The following FNBP4 variants were observed in gnomAD, a reference collection of about 807,000 sequenced individuals.
FNBP4 encodes formin binding protein 4.
A neutral mutation model predicts 119.3 loss-of-function variants in FNBP4; 34 were observed. The ratio of observed to expected loss-of-function variants is 0.28; its 90% CI spans 0.22 to 0.38. The LOEUF is 0.38. Ranked by LOEUF, FNBP4 falls within the 10% of genes least tolerant of loss-of-function variation. The pLI, the probability that FNBP4 is intolerant of heterozygous loss-of-function variation, is 1.00. For synonymous variants in FNBP4, 462 were observed against 430.6 expected, an observed-to-expected ratio of 1.07 and a Z score of -0.90; for missense variants, 1,112 against 1,228.9, an observed-to-expected ratio of 0.90 and a Z score of 1.42.
chr11:47,750,472 G>C (rs912874936), intron 6 of FNBP4, among the ~76,000 whole-genome samples: 1 of 146,732 alleles, frequency 6.8e-6, no homozygotes, highest in African/African-American at 2.5e-5. Flanking sequence ...GGCGGATCAT[G>C]AGGTCAGGAG....
chr11:47,735,817 T>C (rs1028479258), intron 9 of FNBP4, among the ~76,000 whole-genome samples: 3 of 152,010 alleles, frequency 2.0e-5, no homozygotes, highest in Non-Finnish European at 4.4e-5. Context: ...CGGTGGCTCA[T>C]GCCTGTAATC....
At chr11:47,766,325 A>C (rs890637098) in intron 1 of FNBP4, among the ~76,000 whole-genome samples, 4 of 152,182 alleles carry the variant, frequency 2.6e-5, no homozygotes, top group African/African-American at 9.6e-5. Context: ...GAAAAAAACA[A>C]AACAAAACTC....
intron 2 of FNBP4, among the ~76,000 whole-genome samples, chr11:47,755,811 AC>A (rs1471377765): frequency 7.4e-4 from 112 of 152,106 alleles, no homozygotes; most frequent in African/African-American, 2.7e-3. Context: ...AAAAACAAAA[AC>A]AAAAAAAATC....
intron 8 of FNBP4, among the ~76,000 whole-genome samples, chr11:47,740,177 G>A (rs1255417818): frequency 6.6e-6 from 1 of 151,952 alleles, no homozygotes; most frequent in African/African-American, 2.4e-5. Flanking sequence ...CACTTTGGGA[G>A]GCAGAGACGG....
At chr11:47,738,304 C>G (rs904578793) in intron 8 of FNBP4, among the ~76,000 whole-genome samples, 2 of 152,130 alleles carry the variant, frequency 1.3e-5, no homozygotes, top group Non-Finnish European at 2.9e-5. Flanking sequence ...TGGTGCCTCA[C>G]GCCTGTAATC....
At chr11:47,743,775 T>C in intron 8 of FNBP4, 178 bp downstream of exon 8, 2 of 617,770 alleles carry the variant, frequency 3.2e-6, no homozygotes, top group Non-Finnish European at 5.6e-6. Context: ...CTCTTACTCC[T>C]CTACTAGAAA....
chr11:47,734,706 G>T (rs1251311270), intron 9 of FNBP4, among the ~76,000 whole-genome samples: 1 of 152,120 alleles, frequency 6.6e-6, no homozygotes, highest in African/African-American at 2.4e-5. Context: ...TGGGTGTGGT[G>T]GCTCACACCT....
Position 47,752,679 on chromosome 11 carries a change from C to G in FNBP4, c.637+237G>C, listed in dbSNP as rs1179827308. On this transcript the variant is annotated intron_variant, in intron 4 of 16. Coordinates refer to ENST00000263773, the MANE Select transcript of FNBP4 (RefSeq NM_015308.5). ...CAAAAGAGAAATTAGCCAGGCATGG[C>G]AGTGTGCGCCTGTAGTCCCAGTTAC... 4.4e-5 allele frequency: 17 copies of G among 388,600 alleles called. No homozygotes were observed. In the East Asian group the frequency reaches 7.5e-4, roughly 17 times the overall value. 24.1% of individuals were successfully genotyped at this position (388,600 alleles called of 1,614,324 possible).
intron 2 of FNBP4, among the ~76,000 whole-genome samples, chr11:47,756,870 G>T (rs558645002): frequency 6.6e-6 from 1 of 152,240 alleles, no homozygotes; most frequent in African/African-American, 2.4e-5. Flanking sequence ...CAAAGGACAT[G>T]AACTCATCCT....
In FNBP4 at chr11:47,736,747, A is replaced by C. The variant is rs1313761719; in HGVS notation, c.1457-7T>G. ...GAATTTTCAGCACCAATTGCTGTAAAAAAAACATGTAAAATTAAACCAAAG... is the reference window on the plus strand; with the variant it reads ...GAATTTTCAGCACCAATTGCTGTAACAAAAACATGTAAAATTAAACCAAAG... On this transcript the variant is annotated splice_region_variant and splice_polypyrimidine_tract_variant and intron_variant, in intron 8 of 16. Coordinates refer to ENST00000263773, the MANE Select transcript of FNBP4 (RefSeq NM_015308.5). The C allele has an allele frequency of 6.3e-7, 1 of 1,591,980 alleles. No individual in the cohort carries two copies. The highest frequency in any genetic ancestry group is 8.6e-7 in the Non-Finnish European group (1 of 1,165,054).
At chr11:47,720,825 A>G (rs1187755485) in intron 15 of FNBP4, among the ~76,000 whole-genome samples, 1 of 150,982 alleles carries the variant, frequency 6.6e-6, no homozygotes, top group East Asian at 1.9e-4. Context: ...GCAAACTGCC[A>G]TATTAGCCGG....
At chr11:47,766,385 T>C (rs1173610800) in intron 1 of FNBP4, among the ~76,000 whole-genome samples, 2 of 152,196 alleles carry the variant, frequency 1.3e-5, no homozygotes, top group Non-Finnish European at 2.9e-5. Context: ...AAACAGTAAG[T>C]ATTCTCCAGG....
At chr11:47,739,145 T>C (rs2097578308) in intron 8 of FNBP4, among the ~76,000 whole-genome samples, 2 of 152,068 alleles carry the variant, frequency 1.3e-5, no homozygotes, top group South Asian at 4.2e-4. Context: ...TTGCCCAGTT[T>C]GGTCTCGAAC....
intron 3 of FNBP4, 115 bp from the exon 4 acceptor site, chr11:47,753,217 A>C: frequency 1.4e-6 from 1 of 732,874 alleles, no homozygotes; most frequent in South Asian, 2.2e-5. Context: ...GCTCACACCT[A>C]CAGTTCCAGC....
chr11:47,736,778 A>G, intron 8 of FNBP4, 38 bp from the exon 9 acceptor site: 1 of 1,547,592 alleles, frequency 6.5e-7, no homozygotes, highest in South Asian at 1.1e-5. Context: ...CAAAGTACCA[A>G]TACTTATAGA....
intron 2 of FNBP4, among the ~76,000 whole-genome samples, chr11:47,759,710 T>G (rs962500918): frequency 2.9e-4 from 44 of 151,478 alleles, no homozygotes; most frequent in Middle Eastern, 3.4e-3. Context: ...CCCAGCACTT[T>G]GGGAGGCCAA....
At chr11:47,719,875 T>C (rs992819588) in intron 16 of FNBP4, 54 bp downstream of exon 16, 3 of 1,583,066 alleles carry the variant, frequency 1.9e-6, no homozygotes, top group Non-Finnish European at 1.7e-6. Context: ...CATCTCATAG[T>C]AGGTCTCAAC....
chr11:47,759,608 G>T (rs1426463657), intron 2 of FNBP4, among the ~76,000 whole-genome samples: 1 of 152,132 alleles, frequency 6.6e-6, no homozygotes, highest in African/African-American at 2.4e-5. Flanking sequence ...CCACACTTTT[G>T]TATACAGTAC....
At chr11:47,761,317 G>A (rs1404608980) in intron 2 of FNBP4, among the ~76,000 whole-genome samples, 2 of 152,116 alleles carry the variant, frequency 1.3e-5, no homozygotes, top group Non-Finnish European at 2.9e-5. Context: ...CTCAGAGGCT[G>A]GGCATGGTCG....
Sources: gnomAD v4.1 joint callset for allele counts (sites outside exome capture counted in the v4.1 genomes callset) on GRCh38, gnomAD v4.1.1 for gene constraint, MANE v1.5 for transcripts, NCBI Gene and HGNC (gene_info 2026-07-23, HGNC 2026-07-21) for gene names.